GULP1: variants seen among roughly 807,000 people sequenced by gnomAD.
GULP1 encodes the protein PTB domain-containing engulfment adapter protein 1.
GULP1 carries 19 observed loss-of-function variants against 40.9 expected under a neutral mutation model. The ratio of observed to expected loss-of-function variants is 0.46; its 90% CI spans 0.32 to 0.68. The LOEUF (loss-of-function observed/expected upper bound fraction) is 0.68, where lower values mean the gene tolerates loss of function less well. GULP1 is among the 30% of genes least tolerant of loss of function. The pLI is 0.03. For synonymous variants in GULP1, 119 were observed against 117.6 expected (o/e 1.01, Z -0.08); for missense variants, 312 against 362.2 (o/e 0.86, Z 1.12).
At chr2:188,547,790 T>C (rs1341966900) in intron 7 of GULP1, among the ~76,000 whole-genome samples, 1 of 152,012 alleles carries the variant, frequency 6.6e-6, no homozygotes, top group African/African-American at 2.4e-5. Context: ...TATGCAAAGG[T>C]TAAGAGTAGT....
intron 8 of GULP1, 117 bp downstream of exon 8, chr2:188,569,472 G>A: frequency 1.4e-6 from 1 of 727,948 alleles, no homozygotes; most frequent in East Asian, 2.6e-5. Context: ...TGACTGATTG[G>A]AACTGCTTTC....
chr2:188,315,424 C>CT (rs35667728), intron 1 of GULP1, among the ~76,000 whole-genome samples: 1 of 152,076 alleles, frequency 6.6e-6, no homozygotes, highest in Non-Finnish European at 1.5e-5. Flanking sequence ...GATGTATCCC[C>CT]TGCAGATGAG....
chr2:188,549,012 A>T (rs924285966), intron 7 of GULP1, among the ~76,000 whole-genome samples: 25 of 152,036 alleles, frequency 1.6e-4, no homozygotes, highest in African/African-American at 5.8e-4. Context: ...TTTAGAAAAA[A>T]AACACATGGG....
chr2:188,558,602 G>T (rs551437738), intron 7 of GULP1, among the ~76,000 whole-genome samples: 1 of 152,320 alleles, frequency 6.6e-6, no homozygotes, highest in East Asian at 1.9e-4. Flanking sequence ...CAGGCAGAGG[G>T]TGGAACAGTT....
intron 7 of GULP1, among the ~76,000 whole-genome samples, chr2:188,545,901 A>T (rs1411362693): frequency 6.6e-6 from 1 of 151,938 alleles, no homozygotes; most frequent in African/African-American, 2.4e-5. Flanking sequence ...GAGAGTTTTC[A>T]TGCAACCATT....
chr2:188,354,351 G>T (rs1393566486), intron 1 of GULP1, among the ~76,000 whole-genome samples: 1 of 152,148 alleles, frequency 6.6e-6, no homozygotes, highest in Non-Finnish European at 1.5e-5. Flanking sequence ...GGGCAGAAGT[G>T]CTCTGAAGGT....
At chr2:188,364,681 G>T (rs1273949757) in intron 1 of GULP1, among the ~76,000 whole-genome samples, 1 of 150,656 alleles carries the variant, frequency 6.6e-6, no homozygotes, top group East Asian at 1.9e-4. Flanking sequence ...ATGCTGCAGT[G>T]TAGATCATGG....
chr2:188,522,076 AAAAACAAAACCAAACT>A (rs2065841357), intron 4 of GULP1, among the ~76,000 whole-genome samples: 3 of 152,344 alleles, frequency 2.0e-5, no homozygotes, highest in South Asian at 2.1e-4. Flanking sequence ...ACTCCGTCTC[AAAAACAAAACCAAACT>A]AAAACAAAAC....
At chr2:188,301,500 A>G (rs925234399) in intron 1 of GULP1, among the ~76,000 whole-genome samples, 2 of 152,040 alleles carry the variant, frequency 1.3e-5, no homozygotes. Context: ...ACTAAAATCT[A>G]TTCCTTATTC....
intron 1 of GULP1, among the ~76,000 whole-genome samples, chr2:188,327,136 C>T (rs2040861991): frequency 6.6e-6 from 1 of 152,114 alleles, no homozygotes; most frequent in Admixed American, 6.6e-5. Flanking sequence ...TTACATTTTG[C>T]ATTGAGAACA....
At chr2:188,523,754 T>A (rs1158967573) in intron 5 of GULP1, among the ~76,000 whole-genome samples, 2 of 152,206 alleles carry the variant, frequency 1.3e-5, no homozygotes, top group African/African-American at 2.4e-5. Flanking sequence ...TCTGGTGGAA[T>A]CCACTCTGTG....
intron 2 of GULP1, among the ~76,000 whole-genome samples, chr2:188,436,586 G>A (rs1241206867): frequency 6.6e-6 from 1 of 151,810 alleles, no homozygotes; most frequent in African/African-American, 2.4e-5. Flanking sequence ...TGGCAAACAT[G>A]GATCCCTACA....
At chr2:188,526,569 C>G (rs1686206049) in intron 5 of GULP1, among the ~76,000 whole-genome samples, 1 of 151,644 alleles carries the variant, frequency 6.6e-6, no homozygotes. Flanking sequence ...AGCATGCAAA[C>G]TATAGAATAC....
At chr2:188,510,274 G>GT in intron 4 of GULP1, among the ~76,000 whole-genome samples, 1 of 152,190 alleles carries the variant, frequency 6.6e-6, no homozygotes, top group Non-Finnish European at 1.5e-5. Context: ...AAAAGCTTAA[G>GT]TAAGTTCCAT....
At chr2:188,567,152 G>C (rs933564336) in intron 7 of GULP1, among the ~76,000 whole-genome samples, 1 of 152,162 alleles carries the variant, frequency 6.6e-6, no homozygotes, top group Non-Finnish European at 1.5e-5. Context: ...CAAGGCTGTG[G>C]AGAAATATAA....
intron 2 of GULP1, among the ~76,000 whole-genome samples, chr2:188,476,060 A>T (rs779604926): frequency 6.6e-6 from 1 of 152,112 alleles, no homozygotes; most frequent in African/African-American, 2.4e-5. Flanking sequence ...AAAAAATGCG[A>T]GTGCATTTTG....
intron 2 of GULP1, among the ~76,000 whole-genome samples, chr2:188,419,419 C>G (rs2055056482): frequency 6.6e-6 from 1 of 151,936 alleles, no homozygotes; most frequent in African/African-American, 2.4e-5. Context: ...GGTGATATCT[C>G]GTGGTTTTGA....
At chr2:188,388,771 G>T (rs960679051) in intron 2 of GULP1, among the ~76,000 whole-genome samples, 3 of 152,136 alleles carry the variant, frequency 2.0e-5, no homozygotes, top group Admixed American at 2.0e-4. Flanking sequence ...AGTTTATAAT[G>T]TAGCAGATGT....
At chr2:188,320,049 G>T (rs1488731254) in intron 1 of GULP1, among the ~76,000 whole-genome samples, 1 of 152,084 alleles carries the variant, frequency 6.6e-6, no homozygotes, top group Non-Finnish European at 1.5e-5. Context: ...CACCAGCACA[G>T]TGCCCCTAGT....
Sources: allele counts gnomAD v4.1 joint callset (sites outside exome capture counted in the v4.1 genomes callset), GRCh38; gene constraint gnomAD v4.1.1; transcripts MANE v1.5; gene names NCBI Gene and HGNC (gene_info 2026-07-23, HGNC 2026-07-21).